ERP44: variants seen among roughly 807,000 people sequenced by gnomAD.
ERP44 encodes endoplasmic reticulum protein 44.
Under a neutral mutation model 53.4 loss-of-function variants are expected in ERP44, and 25 were observed. That is an observed-to-expected ratio of 0.47 (90% CI 0.34 to 0.65). ERP44 has a LOEUF of 0.65. Among genes scored for constraint, ERP44 ranks in the 30% least tolerant of loss-of-function variants. The pLI is 0.01. For synonymous variants in ERP44, 145 were observed against 161.2 expected, an observed-to-expected ratio of 0.90 and a Z score of 0.76; for missense variants, 338 against 493.2, an observed-to-expected ratio of 0.69 and a Z score of 2.98.
At chr9:100,012,493 A>G (rs1830484877) in intron 8 of ERP44, among the ~76,000 whole-genome samples, 1 of 152,164 alleles carries the variant, frequency 6.6e-6, no homozygotes, top group African/African-American at 2.4e-5. Flanking sequence ...CAAAGAGCCA[A>G]TGTAAGATGA....
chr9:99,994,782 A>T (rs563268547), intron 10 of ERP44, among the ~76,000 whole-genome samples: 22 of 152,292 alleles, frequency 1.4e-4, no homozygotes, highest in African/African-American at 5.3e-4. Flanking sequence ...TTGTGTCTTA[A>T]AACTAGGTAA....
chr9:100,082,160 A>G (rs948624420), intron 1 of ERP44, among the ~76,000 whole-genome samples: 1 of 152,192 alleles, frequency 6.6e-6, no homozygotes, highest in East Asian at 1.9e-4. Flanking sequence ...TTGAGCTTGT[A>G]GAAATATACA....
intron 1 of ERP44, among the ~76,000 whole-genome samples, chr9:100,093,354 T>C (rs1826583322): frequency 6.6e-6 from 1 of 152,312 alleles, no homozygotes; most frequent in Admixed American, 6.5e-5. Flanking sequence ...GGTTAAGAAC[T>C]CTGTGTGGGC....
Position 100,007,706 on chromosome 9 carries a change from T to A in ERP44, c.763-17A>T. ...TGTCAATTCCTGTAGAGAGAAGCAT[T>A]CAATGAGAATTATCAGGCTTCTCCA... On this transcript the variant is annotated splice_polypyrimidine_tract_variant and intron_variant, in intron 8 of 11. Coordinates refer to ENST00000262455, the MANE Select transcript of ERP44 (RefSeq NM_015051.3). 8.0e-7 allele frequency: 1 copy of A among 1,252,334 alleles called. No individual in the cohort carries two copies. The highest frequency in any genetic ancestry group is 1.2e-6 in the Non-Finnish European group (1 of 850,310). The allele number at this position is 1,252,334 out of a possible 1,614,324, so 77.6% of individuals were successfully genotyped here. A position where few individuals can be genotyped will look rare whatever the true frequency, so the allele number is the denominator to read the frequency against.
chr9:100,086,080 A>T (rs1826478451), intron 1 of ERP44, among the ~76,000 whole-genome samples: 1 of 152,192 alleles, frequency 6.6e-6, no homozygotes, highest in Non-Finnish European at 1.5e-5. Flanking sequence ...ACAGTCAGAG[A>T]TAATCTTTTT....
chr9:100,060,487 A>T (rs1826134303), intron 1 of ERP44, among the ~76,000 whole-genome samples: 1 of 152,224 alleles, frequency 6.6e-6, no homozygotes, highest in South Asian at 2.1e-4. Flanking sequence ...TTATAGCACC[A>T]CAAGAAAAAA....
At chr9:100,013,564 T>A (rs1364038157) in intron 8 of ERP44, among the ~76,000 whole-genome samples, 1 of 152,138 alleles carries the variant, frequency 6.6e-6, no homozygotes, top group East Asian at 1.9e-4. Context: ...ATCCCACTGA[T>A]CATCAGGGAA....
chr9:100,082,258 TG>T (rs971898813), intron 1 of ERP44, among the ~76,000 whole-genome samples: 3 of 150,054 alleles, frequency 2.0e-5, no homozygotes, highest in South Asian at 2.1e-4. Context: ...AATACCAAAA[TG>T]TTTTTTTAAA....
chr9:100,089,386 G>C (rs1021149673), intron 1 of ERP44, among the ~76,000 whole-genome samples: 2 of 152,084 alleles, frequency 1.3e-5, no homozygotes, highest in African/African-American at 4.8e-5. Context: ...TTCGAGACCA[G>C]CCAAGCCAGC....
At chr9:100,048,498 C>T (rs2118701292) in intron 4 of ERP44, among the ~76,000 whole-genome samples, 1 of 152,090 alleles carries the variant, frequency 6.6e-6, no homozygotes, top group African/African-American at 2.4e-5. Context: ...TATGATCTAG[C>T]AATTCCACTC....
intron 4 of ERP44, among the ~76,000 whole-genome samples, chr9:100,044,849 T>A (rs1421509993): frequency 6.6e-6 from 1 of 152,210 alleles, no homozygotes; most frequent in African/African-American, 2.4e-5. Context: ...AATTGCATTT[T>A]TATTTATATA....
intron 2 of ERP44, among the ~76,000 whole-genome samples, chr9:100,059,659 G>A (rs1826121568): frequency 6.6e-6 from 1 of 152,104 alleles, no homozygotes; most frequent in African/African-American, 2.4e-5. Context: ...TCATGCCACT[G>A]CACTCCAGTC....
chr9:99,993,317 T>C (rs1353477195), intron 10 of ERP44, among the ~76,000 whole-genome samples: 1 of 152,090 alleles, frequency 6.6e-6, no homozygotes, highest in South Asian at 2.1e-4. Flanking sequence ...AACAGAGAGA[T>C]AGACCAATGG....
chr9:100,006,425 T>G (rs1217744412), intron 10 of ERP44, 81 bp downstream of exon 10: 7 of 1,069,748 alleles, frequency 6.5e-6, no homozygotes, highest in Non-Finnish European at 9.6e-6. Flanking sequence ...CATAGGATTA[T>G]TTAAAATATT....
chr9:100,065,908 A>G (rs10988960), intron 1 of ERP44, among the ~76,000 whole-genome samples: 31,356 of 152,190 alleles, frequency 0.21, 5,470 homozygotes, highest in African/African-American at 0.48. Context: ...AAATGAGTTT[A>G]GAAAACAAGA....
chr9:100,037,956 A>C (rs1307852744), intron 4 of ERP44, among the ~76,000 whole-genome samples: 3 of 152,164 alleles, frequency 2.0e-5, no homozygotes, highest in Non-Finnish European at 2.9e-5. Flanking sequence ...CTGAAGGAAA[A>C]AGACTTTTAT....
rs558595435 is a variant in ERP44, at chr9:100,086,976, C to T, written c.57+11808G>A. ...TTTAAATCATCATAGCAACTCTGAA[C>T]GTGAAGTAGGAATTACATTATCCCT... On this transcript the variant is annotated intron_variant, in intron 1 of 11. Coordinates refer to ENST00000262455, the MANE Select transcript of ERP44 (RefSeq NM_015051.3). Among the ~76,000 whole-genome samples the T allele has an allele frequency of 4.1e-4, 60 of 146,536 alleles. 1 individual carries two copies. In the South Asian group the frequency reaches 0.012, roughly 29 times the overall value.
At chr9:100,090,912 T>C (rs1826547567) in intron 1 of ERP44, among the ~76,000 whole-genome samples, 1 of 152,204 alleles carries the variant, frequency 6.6e-6, no homozygotes, top group Non-Finnish European at 1.5e-5. Flanking sequence ...AATTTATTTT[T>C]CCCAGAAGGA....
intron 1 of ERP44, among the ~76,000 whole-genome samples, chr9:100,069,035 G>A (rs1481338657): frequency 6.6e-6 from 1 of 152,114 alleles, no homozygotes; most frequent in Admixed American, 6.5e-5. Context: ...TCCACTCAGG[G>A]TTAAATGGAT....
Sources: allele counts gnomAD v4.1 joint callset (sites outside exome capture counted in the v4.1 genomes callset), GRCh38; gene constraint gnomAD v4.1.1; transcripts MANE v1.5; gene names NCBI Gene and HGNC (gene_info 2026-07-23, HGNC 2026-07-21).